Variants in LMAN1L observed in about 807,000 individuals in gnomAD.
The protein encoded by LMAN1L is protein ERGIC-53-like.
Under a neutral mutation model 58.3 loss-of-function variants are expected in LMAN1L, and 60 were observed. The observed-to-expected ratio is 1.03, with a 90% confidence interval of 0.84 to 1.27. The LOEUF (loss-of-function observed/expected upper bound fraction) is 1.27. LMAN1L is among the 50% of genes most tolerant of loss of function. The pLI is 0.00. For missense variants in LMAN1L, 629 were observed against 674.0 expected, an observed-to-expected ratio of 0.93 and a Z score of 0.74; for synonymous variants, 280 against 271.6, an observed-to-expected ratio of 1.03 and a Z score of -0.31.
In LMAN1L at chr15:74,816,244, T is replaced by C; in HGVS notation, c.263T>C (p.Phe88Ser). 1.2e-6 allele frequency: 2 copies of C among 1,604,314 alleles called. No homozygotes were observed. The highest frequency in any genetic ancestry group is 1.7e-6 in the Non-Finnish European group (2 of 1,175,648). ...GTGTGGAGCAGGGCCTCTGTCCCCT[T>C]CTCTGCCTGGGAAGTAGAGGTGCAG... Reference protein sequence around the residue: ...GAVWSRASVPFSAWEVEVQMR... With the variant: ...GAVWSRASVPSSAWEVEVQMR... The change falls in exon 2 of 14, where the codon TTC becomes TCC. Residue 88 changes from phenylalanine to serine, a missense_variant. Transcript: ENST00000309664.
chr15:74,819,687 A>G, intron 6 of LMAN1L: 1 of 489,428 alleles, frequency 2.0e-6, no homozygotes, highest in Non-Finnish European at 3.7e-6. Flanking sequence ...ACATGGTCAG[A>G]GCTATGCTGG....
Position 74,823,565 on chromosome 15 carries a change from A to G in LMAN1L, c.1206A>G (p.Ala402=). ...LLQALQEMRD[A]AVRMAAEAQV... The stretch of plus-strand genomic sequence containing the variant: ...GGTTACCACCCCCGGTTAGGGATGC[A>G]GCTGTCCGCATGGCTGCAGAAGCCC... Residue 402 remains alanine, a synonymous_variant, in exon 12 of 14, where the codon GCA becomes GCG. Coordinates refer to ENST00000309664, the MANE Select transcript of LMAN1L (RefSeq NM_021819.3). The G allele has an allele frequency of 6.2e-7, 1 of 1,613,840 alleles. No homozygotes were observed. The highest frequency in any genetic ancestry group is 8.5e-7 in the Non-Finnish European group (1 of 1,179,894).
intron 3 of LMAN1L, 21 bp from the exon 4 acceptor site, chr15:74,816,611 C>A (rs1180454998): frequency 6.2e-6 from 10 of 1,610,688 alleles, no homozygotes; most frequent in Middle Eastern, 1.7e-4. Context: ...GCGGCTCAGG[C>A]TGCTTCTCAC....
intron 3 of LMAN1L, 45 bp from the exon 4 acceptor site, chr15:74,816,587 C>T (rs200794545): frequency 6.9e-6 from 11 of 1,598,466 alleles, no homozygotes; most frequent in Admixed American, 1.7e-5. Flanking sequence ...CACCCTCCCC[C>T]TCCCGCCATG....
chr15:74,820,533 C>T, intron 7 of LMAN1L, 102 bp from the exon 8 acceptor site: 5 of 1,486,456 alleles, frequency 3.4e-6, no homozygotes, highest in Non-Finnish European at 4.7e-6. Context: ...GCCAGCTGGC[C>T]AGGGAGGAAG....
At position 74,820,053 on chromosome 15, in the gene LMAN1L, A is replaced by G. The variant is rs770381995; in HGVS notation, c.728A>G (p.Asp243Gly). 6.2e-7 allele frequency: 1 copy of G among 1,613,954 alleles called. No homozygotes were observed. The highest frequency in any genetic ancestry group is 8.5e-7 in the Non-Finnish European group (1 of 1,179,904). The change falls in exon 7 of 14, where the codon GAT (aspartate) becomes GGT (glycine). Residue 243 changes from aspartate to glycine, a missense_variant. Physicochemically the swap from Asp to Gly is moderately conservative, Grantham distance 94 (BLOSUM62 -1). Transcript: ENST00000309664. ...AATGTLADDH[D>G]VLSFLTFSLS... Reference sequence around the variant, plus strand: ...ATCTGTCCCCTTCCAGATGATCATGATGTCCTGTCCTTCCTGACCTTCAGC... The same window carrying G: ...ATCTGTCCCCTTCCAGATGATCATGGTGTCCTGTCCTTCCTGACCTTCAGC...
In LMAN1L at chr15:74,820,688, G is replaced by A; in HGVS notation, c.828G>A (p.Leu276=). 5 of 1,613,970 alleles carry A rather than the reference G, an allele frequency of 3.1e-6. No individual in the cohort carries two copies. Among genetic ancestry groups the A allele is most frequent in the Non-Finnish European group, 4.2e-6 (5 of 1,180,000 alleles). ...EMQQLRLARQ[L]EGLWARLGLG... is the part of the protein sequence containing the mutation. ...AGCAGCTCCGCCTGGCGAGGCAGCT[G>A]GAAGGGCTGTGGGCAAGGCTGGGCT... The change falls in exon 8 of 14, where the codon CTG becomes CTA. Residue 276 remains leucine (L), a synonymous_variant. Coordinates refer to ENST00000309664, the MANE Select transcript of LMAN1L (RefSeq NM_021819.3).
At position 74,823,749 on chromosome 15, in the gene LMAN1L, C is replaced by T. The variant is rs111702522; in HGVS notation, c.1323+67C>T. ...ACGTCTGGGCTCAGCCACCCTTCTTCCAGCACTTCAGCAGCCCCAAGCCCT... is the reference window on the plus strand; with the variant it reads ...ACGTCTGGGCTCAGCCACCCTTCTTTCAGCACTTCAGCAGCCCCAAGCCCT... On this transcript the variant is annotated intron_variant, in intron 12 of 13. Transcript: ENST00000309664. The T allele has an allele frequency of 2.9e-5, 46 of 1,575,974 alleles. No individual in the cohort carries two copies. In the African/African-American group the frequency reaches 4.6e-4, roughly 16 times the overall value.
chr15:74,820,285 C>G lies in LMAN1L; in HGVS notation c.774+186C>G, dbSNP rs1010403503. The G allele has an allele frequency of 1.3e-5, 8 of 636,684 alleles. No homozygotes were observed. In the South Asian group the frequency reaches 1.5e-4, roughly 12 times the overall value. 39.4% of individuals were successfully genotyped at this position (636,684 alleles called of 1,614,324 possible). A position where few individuals can be genotyped will look rare whatever the true frequency, so the allele number is the denominator to read the frequency against. ...CGGTGTGTGAGGTCTCGCAGGCTGG[C>G]TGGCTCAGGCTGTGACATTACAGTT... On this transcript the variant is annotated intron_variant, in intron 7 of 13. Coordinates refer to ENST00000309664, the MANE Select transcript of LMAN1L (RefSeq NM_021819.3).
Position 74,825,580 on chromosome 15 carries a change from C to G in LMAN1L, c.1556C>G (p.Pro519Arg), listed in dbSNP as rs2063938321. The change falls in exon 14 of 14, where the codon CCT (proline) becomes CGT (arginine). Residue 519 changes from proline to arginine, a missense_variant. Physicochemically the swap from Pro to Arg is moderately radical, Grantham distance 103. This residue lies in a region of LMAN1L where 53 missense variants were observed against 59.7 expected (regional missense o/e 0.89). Coordinates refer to ENST00000309664, the MANE Select transcript of LMAN1L (RefSeq NM_021819.3). ...GCCCTGGGGATTCTGAGGAGGCAGC[C>G]TCTCCCTGCCAGCATGCCTGCCTGA... Reference protein sequence around the residue: ...PRALGILRRQPLPASMPA With the variant: ...PRALGILRRQRLPASMPA The G allele has an allele frequency of 1.2e-6, 2 of 1,612,642 alleles. No homozygotes were observed. Among genetic ancestry groups the G allele is most frequent in the Non-Finnish European group, 1.7e-6 (2 of 1,179,198 alleles).
intron 4 of LMAN1L, 57 bp from the exon 5 acceptor site, chr15:74,818,661 T>C (rs1567224144): frequency 2.2e-6 from 3 of 1,370,408 alleles, no homozygotes; most frequent in Non-Finnish European, 3.0e-6. Flanking sequence ...ACCACTGCAC[T>C]CCAGCCTGGG....
intron 4 of LMAN1L, among the ~76,000 whole-genome samples, chr15:74,817,045 T>C (rs1250396950): frequency 6.6e-6 from 1 of 152,176 alleles, no homozygotes; most frequent in African/African-American, 2.4e-5. Flanking sequence ...TGCTGAACTT[T>C]GAGCCCAGAC....
chr15:74,815,998 C>A (rs908570569), intron 1 of LMAN1L, among the ~76,000 whole-genome samples, 159 bp from the exon 2 acceptor site: 1 of 152,242 alleles, frequency 6.6e-6, no homozygotes, highest in African/African-American at 2.4e-5. Flanking sequence ...TCCAGCTGTG[C>A]TGGGCTCTGA....
intron 4 of LMAN1L, among the ~76,000 whole-genome samples, chr15:74,818,246 G>A (rs1350150816): frequency 1.3e-5 from 2 of 152,124 alleles, no homozygotes; most frequent in Non-Finnish European, 2.9e-5. Context: ...AAGGGAGCAG[G>A]GTACAACAAG....
Position 74,825,697 on chromosome 15 carries a change from C to A in LMAN1L, c.*92C>A. ...ATCCTCTCCGTCTGGGTGCCCAGCT[C>A]CCACGCACACCTGAGCTTTCGGCAT... On this transcript the variant is annotated 3_prime_UTR_variant, in exon 14 of 14. Transcript: ENST00000309664. 2 of 1,301,248 alleles carry A rather than the reference C, an allele frequency of 1.5e-6. No individual in the cohort carries two copies. Among genetic ancestry groups the A allele is most frequent in the Non-Finnish European group, 2.1e-6 (2 of 931,652 alleles). 80.6% of individuals were successfully genotyped at this position (1,301,248 alleles called of 1,614,324 possible). A position where few individuals can be genotyped will look rare whatever the true frequency, so the allele number is the denominator to read the frequency against.
intron 6 of LMAN1L, 28 bp from the exon 7 acceptor site, chr15:74,820,016 T>G (rs750636324): frequency 3.1e-6 from 5 of 1,608,140 alleles, no homozygotes; most frequent in Non-Finnish European, 4.3e-6. Context: ...GGAGGGGTCT[T>G]ACTTCTCCTT....
rs760860921 is a variant in LMAN1L, at chr15:74,816,412, G to T, written c.331-15G>T. The T allele has an allele frequency of 1.2e-4, 185 of 1,567,932 alleles. No homozygotes were observed. Among genetic ancestry groups the T allele is most frequent in the Non-Finnish European group, 1.5e-4 (173 of 1,153,694 alleles). ...CCCACACGGTTCCCTGAGCTGAGGGGCTGGGGACCTGCAGGCCGTGTGGTA... is the reference window on the plus strand; with the variant it reads ...CCCACACGGTTCCCTGAGCTGAGGGTCTGGGGACCTGCAGGCCGTGTGGTA... On this transcript the variant is annotated splice_polypyrimidine_tract_variant and intron_variant, in intron 2 of 13. Transcript: ENST00000309664.
At chr15:74,824,764 G>A (rs915908829) in intron 13 of LMAN1L, 3 of 328,092 alleles carry the variant, frequency 9.1e-6, no homozygotes, top group African/African-American at 2.1e-5. Context: ...GAGGGGCTAC[G>A]AGAGTGCAGG....
intron 5 of LMAN1L, 90 bp from the exon 6 acceptor site, chr15:74,819,062 C>T (rs1479575636): frequency 1.3e-6 from 2 of 1,490,052 alleles, no homozygotes; most frequent in East Asian, 4.5e-5. Flanking sequence ...ATACCAAGCC[C>T]TAGGGCCACC....
Sources: allele counts gnomAD v4.1 joint callset (sites outside exome capture counted in the v4.1 genomes callset), GRCh38; gene constraint gnomAD v4.1.1; regional missense constraint gnomAD v4.1.1; transcripts MANE v1.5; gene names NCBI Gene and HGNC (gene_info 2026-07-23, HGNC 2026-07-21).